RPSA2: variants seen among roughly 807,000 people sequenced by gnomAD.
RPSA2 encodes ribosomal protein SA 2.
At chr19:23,819,114 T>C in the RPSA2 span, 1 of 152,124 alleles carries the variant, frequency 6.6e-6, no homozygotes, top group African/African-American at 2.4e-5. Flanking sequence ...AACAGGACAA[T>C]AGTAAAACAA....
chr19:23,857,391 C>T, the RPSA2 span, among the ~76,000 whole-genome samples: 17 of 151,944 alleles, frequency 1.1e-4, no homozygotes, highest in African/African-American at 2.7e-4. Context: ...GTTCCTCTAC[C>T]GTGGCTCCAG....
the RPSA2 span, among the ~76,000 whole-genome samples, chr19:23,865,624 C>A: frequency 6.6e-6 from 1 of 152,192 alleles, no homozygotes; most frequent in South Asian, 2.1e-4. Context: ...GAGAATTGGC[C>A]ATTTGCTAAG....
the RPSA2 span, among the ~76,000 whole-genome samples, chr19:23,868,992 G>A: frequency 1.4e-4 from 21 of 152,268 alleles, no homozygotes; most frequent in Admixed American, 9.8e-4. Context: ...GGAGCGTCAA[G>A]GCCAGAAAAA....
the RPSA2 span, among the ~76,000 whole-genome samples, chr19:23,792,556 G>C: frequency 7.4e-6 from 1 of 134,448 alleles, no homozygotes. Flanking sequence ...TGCAACAGGA[G>C]AAAGTAGCAA....
chr19:23,848,403 T>C, the RPSA2 span, among the ~76,000 whole-genome samples: 1 of 152,156 alleles, frequency 6.6e-6, no homozygotes, highest in African/African-American at 2.4e-5. Context: ...ATTAAACAGA[T>C]AATCATAATA....
chr19:23,805,394 C>T, the RPSA2 span, among the ~76,000 whole-genome samples: 2 of 152,036 alleles, frequency 1.3e-5, no homozygotes, highest in Non-Finnish European at 2.9e-5. Context: ...GAACTCCCTA[C>T]CTCAAGTGAT....
chr19:23,850,822 A>G, the RPSA2 span, among the ~76,000 whole-genome samples: 1 of 152,148 alleles, frequency 6.6e-6, no homozygotes, highest in African/African-American at 2.4e-5. Context: ...TTTGAAGTAA[A>G]CAATGCTAAA....
the RPSA2 span, among the ~76,000 whole-genome samples, chr19:23,851,788 A>G: frequency 0.98 from 148,952 of 152,286 alleles, 72,940 homozygotes; most frequent in Middle Eastern, 1. Flanking sequence ...GGTCAGTCGA[A>G]GGACCACCCA....
At chr19:23,810,972 TC>T in the RPSA2 span, among the ~76,000 whole-genome samples, 3 of 151,380 alleles carry the variant, frequency 2.0e-5, no homozygotes, top group African/African-American at 7.3e-5. Context: ...GTTTCACAAC[TC>T]CCTTCCTGGA....
At chr19:23,764,842 C>T in the RPSA2 span, among the ~76,000 whole-genome samples, 1 of 151,766 alleles carries the variant, frequency 6.6e-6, no homozygotes, top group African/African-American at 2.4e-5. Flanking sequence ...TTTTATCTTC[C>T]CTAGGCACAC....
At chr19:23,762,495 G>A in the RPSA2 span, among the ~76,000 whole-genome samples, 2 of 151,704 alleles carry the variant, frequency 1.3e-5, no homozygotes, top group Non-Finnish European at 2.9e-5. Context: ...GGCCAACATG[G>A]TGAAACCTCA....
chr19:23,778,973 C>T, the RPSA2 span, among the ~76,000 whole-genome samples: 1 of 146,256 alleles, frequency 6.8e-6, no homozygotes, highest in Non-Finnish European at 1.5e-5. Context: ...CCTGGGCCTT[C>T]TGCTCAGTGA....
chr19:23,790,686 C>T, the RPSA2 span: 1 of 401,420 alleles, frequency 2.5e-6, no homozygotes, highest in Non-Finnish European at 4.8e-6. Context: ...TGTCCTCTGA[C>T]TTAGAGTCCC....
the RPSA2 span, among the ~76,000 whole-genome samples, chr19:23,864,208 C>G: frequency 6.6e-6 from 1 of 152,170 alleles, no homozygotes; most frequent in African/African-American, 2.4e-5. Flanking sequence ...TTACAGACAC[C>G]CTTAAGACAC....
chr19:23,849,855 T>C, the RPSA2 span, among the ~76,000 whole-genome samples: 5 of 152,230 alleles, frequency 3.3e-5, no homozygotes, highest in African/African-American at 1.2e-4. Context: ...GCCCTCAACA[T>C]TTTTAGGACA....
chr19:23,851,444 G>A, the RPSA2 span, among the ~76,000 whole-genome samples: 6 of 152,236 alleles, frequency 3.9e-5, no homozygotes, highest in East Asian at 7.7e-4. Flanking sequence ...TGGTAAAGTG[G>A]TATGAGATCT....
the RPSA2 span, among the ~76,000 whole-genome samples, chr19:23,866,587 A>G: frequency 1.4e-5 from 2 of 146,692 alleles, no homozygotes; most frequent in African/African-American, 2.5e-5. Flanking sequence ...GGGCTCACCG[A>G]TGCCACTCAA....
chr19:23,864,587 G>A, the RPSA2 span, among the ~76,000 whole-genome samples: 1 of 152,112 alleles, frequency 6.6e-6, no homozygotes, highest in African/African-American at 2.4e-5. Flanking sequence ...ATAATAAGTA[G>A]CTATGAATTG....
chr19:23,833,836 T>A, the RPSA2 span, among the ~76,000 whole-genome samples: 1 of 152,116 alleles, frequency 6.6e-6, no homozygotes, highest in Non-Finnish European at 1.5e-5. Context: ...CCTTTACTTG[T>A]ATCAGAAATC....
Sources: allele counts gnomAD v4.1 joint callset (sites outside exome capture counted in the v4.1 genomes callset), GRCh38; gene constraint gnomAD v4.1.1; transcripts MANE v1.5; gene names NCBI Gene and HGNC (gene_info 2026-07-23, HGNC 2026-07-21).